CDH22: variants seen among roughly 807,000 people sequenced by gnomAD.
CDH22 encodes the protein cadherin-22.
In CDH22, 30 loss-of-function variants were observed where a neutral mutation model predicts 58.4. The observed-to-expected ratio is 0.51, with a 90% CI of 0.38 to 0.70. The LOEUF is 0.70. CDH22 is among the 30% of genes least tolerant of loss of function. The pLI is 0.00. For synonymous variants in CDH22, 513 were observed against 558.2 expected (o/e 0.92, Z 1.14); for missense variants, 1,014 against 1,233.9 (o/e 0.82, Z 2.67).
In CDH22 at chr20:46,210,390, CA is replaced by C; in HGVS notation, c.1202del (p.Leu401ArgfsTer16). ...CCACCTGCGCGTCCTCCTGCACCTC[CA>C]GGAGGCCGGAGGGCGGCCGGAACTC... Reference protein sequence around the residue: ...PPEFRPPSGLLEVQEDAQVGS... With the variant: ...PPEFRPPSGLXEVQEDAQVGS... On this transcript the variant is annotated frameshift_variant, in exon 7 of 12. Transcript: ENST00000537909. LOFTEE classifies it high-confidence loss of function. The surrounding 1 kb of genome is among the most constrained non-coding windows in gnomAD (Gnocchi z 4.5). 6.8e-7 allele frequency: 1 copy of C among 1,473,238 alleles called. No homozygotes were observed. The highest frequency in any genetic ancestry group is 9.0e-7 in the Non-Finnish European group (1 of 1,113,936). 91.3% of individuals were successfully genotyped at this position (1,473,238 alleles called of 1,614,324 possible).
intron 3 of CDH22, among the ~76,000 whole-genome samples, chr20:46,234,403 C>T (rs1310320975): frequency 6.6e-6 from 1 of 152,186 alleles, no homozygotes; most frequent in Non-Finnish European, 1.5e-5. Context: ...TTTATTTTTT[C>T]ATTAGTAACA....
intron 1 of CDH22, among the ~76,000 whole-genome samples, chr20:46,296,607 G>A (rs968938970): frequency 1.3e-5 from 2 of 152,222 alleles, no homozygotes; most frequent in African/African-American, 4.8e-5. Flanking sequence ...GTTTGCAGGT[G>A]GGAATGGGCC....
intron 7 of CDH22, among the ~76,000 whole-genome samples, chr20:46,201,129 C>G (rs2085958373): frequency 6.6e-6 from 1 of 152,248 alleles, no homozygotes; most frequent in Non-Finnish European, 1.5e-5. Context: ...TCCGCTTCCC[C>G]ATGCTGATAA....
Position 46,174,875 on chromosome 20 carries a change from C to CCCCCGG in CDH22, c.2117_2118insCCGGGG (p.Ala706_Gly707insArgGly). ...CCGAGCCCCCGCCCGCTCCCCCGCC[C>CCCCCGG]GCGCTGCCGCCCCCGTCGCCGCCCT... is the stretch of plus-strand genomic sequence containing the variant. On this transcript the variant is annotated inframe_insertion, in exon 12 of 12. Coordinates refer to ENST00000537909, the MANE Select transcript of CDH22 (RefSeq NM_021248.3). This position sits in a 1 kb window ranked among gnomAD's most constrained non-coding sequence, Gnocchi z 4.4. The CCCCCGG allele has an allele frequency of 7.4e-7, 1 of 1,360,020 alleles. No homozygotes were observed. Among genetic ancestry groups the CCCCCGG allele is most frequent in the Non-Finnish European group, 9.5e-7 (1 of 1,053,576 alleles). The allele number at this position is 1,360,020 out of a possible 1,614,324, so 84.2% of individuals were successfully genotyped here.
intron 1 of CDH22, among the ~76,000 whole-genome samples, chr20:46,252,530 G>T (rs989011841): frequency 2.0e-5 from 3 of 152,258 alleles, no homozygotes; most frequent in African/African-American, 7.2e-5. Context: ...CAAGCCATAA[G>T]ATGAATAATG....
intron 1 of CDH22, among the ~76,000 whole-genome samples, chr20:46,297,887 C>G (rs1004559316): frequency 1.3e-5 from 2 of 152,102 alleles, no homozygotes; most frequent in South Asian, 4.1e-4. Flanking sequence ...ACAGGCTTGT[C>G]TCCTTGGCTT....
chr20:46,255,045 G>A (rs1013435589), intron 1 of CDH22, among the ~76,000 whole-genome samples: 9 of 152,012 alleles, frequency 5.9e-5, no homozygotes, highest in Non-Finnish European at 1.0e-4. Context: ...TTTTTGAGAC[G>A]GAATTTCTTT....
At chr20:46,188,403 A>G (rs1429425464) in intron 8 of CDH22, among the ~76,000 whole-genome samples, 1 of 152,196 alleles carries the variant, frequency 6.6e-6, no homozygotes, top group African/African-American at 2.4e-5. Flanking sequence ...TATTGACCCA[A>G]TTATGCCTAG....
At chr20:46,254,839 G>A (rs1194893766) in intron 1 of CDH22, among the ~76,000 whole-genome samples, 1 of 152,130 alleles carries the variant, frequency 6.6e-6, no homozygotes. Context: ...GTTCCACACA[G>A]AGGGAACAGC....
chr20:46,212,494 G>C (rs912382536), intron 6 of CDH22, among the ~76,000 whole-genome samples: 2 of 152,202 alleles, frequency 1.3e-5, no homozygotes, highest in African/African-American at 4.8e-5. Flanking sequence ...CAGCCAGTGG[G>C]CAAGGAAGGC....
At chr20:46,183,467 C>T (rs1441244760) in intron 10 of CDH22, among the ~76,000 whole-genome samples, 1 of 152,168 alleles carries the variant, frequency 6.6e-6, no homozygotes, top group African/African-American at 2.4e-5. Flanking sequence ...CTCACTCTGT[C>T]TTCCAGGCTG....
intron 11 of CDH22, among the ~76,000 whole-genome samples, chr20:46,177,392 A>AT (rs1349137046): frequency 2.6e-5 from 4 of 152,076 alleles, no homozygotes; most frequent in Non-Finnish European, 4.4e-5. Context: ...ACCAGTGTAG[A>AT]TTTTGCCCCC....
intron 7 of CDH22, among the ~76,000 whole-genome samples, chr20:46,205,411 G>T (rs957291431): frequency 6.6e-6 from 1 of 152,178 alleles, no homozygotes; most frequent in African/African-American, 2.4e-5. Context: ...GGAAACCGAG[G>T]CTCAGAGGGG....
chr20:46,266,193 T>C (rs115767817), intron 1 of CDH22, among the ~76,000 whole-genome samples: 1,959 of 152,266 alleles, frequency 0.013, 26 homozygotes, highest in Middle Eastern at 0.031. Flanking sequence ...ACACATCCTG[T>C]CTCTACTGTA....
chr20:46,241,960 C>T lies in CDH22; in HGVS notation c.256-703G>A, dbSNP rs2086292934. ...TGGTCCATGACCTCACTGTGAATTA[C>T]AGGTCCACTGCTCCCTAGACTCTGC... On this transcript the variant is annotated intron_variant, in intron 2 of 11. Transcript: ENST00000537909. This position sits in a 1 kb window ranked among gnomAD's most constrained non-coding sequence, Gnocchi z 5.2. Among the ~76,000 whole-genome samples, 1 of 152,156 alleles carries T rather than the reference C, an allele frequency of 6.6e-6. No homozygotes were observed. Among genetic ancestry groups the T allele is most frequent in the African/African-American group, 2.4e-5 (1 of 41,436 alleles).
At chr20:46,226,098 A>G (rs2086169094) in intron 4 of CDH22, among the ~76,000 whole-genome samples, 1 of 152,016 alleles carries the variant, frequency 6.6e-6, no homozygotes. Flanking sequence ...TCACCTCTCA[A>G]CAAACCTGAT....
chr20:46,193,657 C>T (rs142503257), intron 8 of CDH22, among the ~76,000 whole-genome samples: 202 of 152,308 alleles, frequency 1.3e-3, no homozygotes, highest in African/African-American at 4.8e-3. Context: ...CCCCTTGCCT[C>T]ACCTGCTCTG....
chr20:46,307,316 TG>T (rs2059028459), intron 1 of CDH22, among the ~76,000 whole-genome samples: 1 of 152,180 alleles, frequency 6.6e-6, no homozygotes, highest in African/African-American at 2.4e-5. Context: ...GGCCCGACGT[TG>T]CCAGAGAAGA....
At chr20:46,273,913 G>T (rs1214828726) in intron 1 of CDH22, among the ~76,000 whole-genome samples, 1 of 152,242 alleles carries the variant, frequency 6.6e-6, no homozygotes, top group Non-Finnish European at 1.5e-5. Flanking sequence ...TGTGAATGCA[G>T]AAGCCAAGTT....
Sources: gnomAD v4.1 joint callset for allele counts (sites outside exome capture counted in the v4.1 genomes callset) on GRCh38, gnomAD v4.1.1 for gene constraint, Gnocchi (gnomAD v3.1) non-coding constraint, MANE v1.5 for transcripts, NCBI Gene and HGNC (gene_info 2026-07-23, HGNC 2026-07-21) for gene names.